Variants in OSR1 observed in about 807,000 individuals in gnomAD.
OSR1 encodes the protein protein odd-skipped-related 1.
Under a neutral mutation model 15.7 loss-of-function variants are expected in OSR1, and 3 were observed. That is an observed-to-expected ratio of 0.19 (90% CI 0.09 to 0.50). The LOEUF (loss-of-function observed/expected upper bound fraction) is 0.50. OSR1 is among the 20% of genes least tolerant of loss of function. The pLI is 0.97. For synonymous variants in OSR1, 166 were observed against 152.7 expected (o/e 1.09, Z -0.64); for missense variants, 271 against 351.1 (o/e 0.77, Z 1.82).
In OSR1 at chr2:19,351,719, G is replaced by C. The variant is rs1452175103; in HGVS notation, c.*556C>G. 1 of 152,664 alleles carries C rather than the reference G, an allele frequency of 6.6e-6. No individual in the cohort carries two copies. The highest frequency in any genetic ancestry group is 1.5e-5 in the Non-Finnish European group (1 of 68,130). 9.5% of individuals were successfully genotyped at this position (152,664 alleles called of 1,614,324 possible). A position where few individuals can be genotyped will look rare whatever the true frequency, so the allele number is the denominator to read the frequency against. The stretch of plus-strand genomic sequence containing the variant: ...CCCACGGCCGCCAGCTGAGCTGCAA[G>C]AGCTGGGAGGGGGCTGCCCCGCGGT... On this transcript the variant is annotated 3_prime_UTR_variant, in exon 3 of 3. Transcript: ENST00000272223.
Position 19,357,145 on chromosome 2 carries a change from G to A in OSR1, c.-33+1196C>T, listed in dbSNP as rs981304208. Among the ~76,000 whole-genome samples the A allele has an allele frequency of 2.6e-5, 4 of 152,164 alleles. No individual in the cohort carries two copies. The highest frequency in any genetic ancestry group is 9.7e-5 in the African/African-American group (4 of 41,426). On this transcript the variant is annotated intron_variant, in intron 1 of 2. Transcript: ENST00000272223. The surrounding 1 kb of genome is among the most constrained non-coding windows in gnomAD (Gnocchi z 5.0). ...ATCCGGCTGCACTTAAATGTCCGCT[G>A]CGTCCTCGGTGATCCATTCCCCAAT...
At position 19,353,470 on chromosome 2, in the gene OSR1, C is replaced by G. The variant is rs764998863; in HGVS notation, c.336G>C (p.Lys112Asn). ...TGGCAAAATCAAAGCGCGGCTTGGT[C>G]TTGAGCGCTGGAACGCTGCCTCCAG... Reference protein sequence around the residue: ...ITAGGSVPALKTKPRFDFANL... With the variant: ...ITAGGSVPALNTKPRFDFANL... Residue 112 changes from lysine to asparagine, a missense_variant, in exon 2 of 3, where the codon AAG (lysine) becomes AAC (asparagine). Around this residue, in one of 4 missense-constraint regions of OSR1, gnomAD observed 210 missense variants for 218.4 expected, o/e 0.96. Coordinates refer to ENST00000272223, the MANE Select transcript of OSR1 (RefSeq NM_145260.3). The G allele has an allele frequency of 6.2e-7, 1 of 1,614,140 alleles. No homozygotes were observed. Among genetic ancestry groups the G allele is most frequent in the Non-Finnish European group, 8.5e-7 (1 of 1,179,966 alleles).
chr2:19,353,884 T>C (rs1404063210), intron 1 of OSR1, 47 bp from the exon 2 acceptor site: 1 of 1,445,388 alleles, frequency 6.9e-7, no homozygotes, highest in African/African-American at 1.4e-5. Flanking sequence ...AATAAAGAAG[T>C]TCAGGGTGGG....
At chr2:19,355,515 G>T (rs1462487778) in intron 1 of OSR1, 1 of 152,308 alleles carries the variant, frequency 6.6e-6, no homozygotes, top group African/African-American at 2.4e-5. Context: ...GGGCAATGTT[G>T]ACCCAGGAAA....
rs1417749076 is a variant in OSR1, at chr2:19,353,777, A to G, written c.29T>C (p.Val10Ala). The G allele has an allele frequency of 1.4e-5, 23 of 1,612,182 alleles. No individual in the cohort carries two copies. Among genetic ancestry groups the G allele is most frequent in the Non-Finnish European group, 2.0e-5 (23 of 1,178,670 alleles). ...GAGCTGCAGGGAAGGGTGGATAGGC[A>G]CCGGCGCCGGCAAGGTTTTGCTGCC... is the stretch of plus-strand genomic sequence containing the variant. Reference protein sequence around the residue: MGSKTLPAPVPIHPSLQLTN... With the variant: MGSKTLPAPAPIHPSLQLTN... The change falls in exon 2 of 3, where the codon GTG becomes GCG. Residue 10 changes from valine to alanine, a missense_variant. Transcript: ENST00000272223.
At chr2:19,355,671 C>T (rs1343529231) in intron 1 of OSR1, 1 of 152,236 alleles carries the variant, frequency 6.6e-6, no homozygotes, top group Admixed American at 6.5e-5. Context: ...GGATAAAAAC[C>T]GTTGCAATGA....
chr2:19,348,683 A>T (rs1329483966), downstream of OSR1, among the ~76,000 whole-genome samples: 1 of 152,088 alleles, frequency 6.6e-6, no homozygotes, highest in Non-Finnish European at 1.5e-5. Context: ...ACGCGGGAAA[A>T]CATTTTTTAG....
At chr2:19,349,439 G>C (rs555286131), downstream of OSR1, among the ~76,000 whole-genome samples, 1 of 152,152 alleles carries the variant, frequency 6.6e-6, no homozygotes, top group Non-Finnish European at 1.5e-5. Flanking sequence ...GAGTTGCTGC[G>C]CATCATCCTG....
chr2:19,350,694 G>A (rs1371537891), downstream of OSR1, among the ~76,000 whole-genome samples: 4 of 152,104 alleles, frequency 2.6e-5, no homozygotes, highest in Admixed American at 6.5e-5. Flanking sequence ...GAAGAGCCCC[G>A]GCGGCCTGGC....
chr2:19,351,956 G>A lies in OSR1; in HGVS notation c.*319C>T, dbSNP rs1366841523. The A allele has an allele frequency of 3.9e-6, 1 of 255,698 alleles. No homozygotes were observed. 15.8% of individuals were successfully genotyped at this position (255,698 alleles called of 1,614,324 possible). ...AACGTATAAAATAACAATAGAAAAA[G>A]TAATACTTCTGGGAGAGGCGCCGCT... is the stretch of plus-strand genomic sequence containing the variant. On this transcript the variant is annotated 3_prime_UTR_variant, in exon 3 of 3. Coordinates refer to ENST00000272223, the MANE Select transcript of OSR1 (RefSeq NM_145260.3).
chr2:19,349,440 C>A (rs2103357141), downstream of OSR1, among the ~76,000 whole-genome samples: 1 of 152,328 alleles, frequency 6.6e-6, no homozygotes, highest in South Asian at 2.1e-4. Flanking sequence ...AGTTGCTGCG[C>A]ATCATCCTGT....
chr2:19,355,527 C>T (rs948521593), intron 1 of OSR1: 1 of 152,320 alleles, frequency 6.6e-6, no homozygotes, highest in Non-Finnish European at 1.5e-5. Flanking sequence ...CCCAGGAAAA[C>T]CTTTTCTCCT....
downstream of OSR1, chr2:19,346,614 GA>G (rs1397384759): frequency 2.6e-5 from 4 of 152,222 alleles, no homozygotes; most frequent in Non-Finnish European, 4.4e-5. Context: ...AAAAAAAGTA[GA>G]AAAAATTACC....
At position 19,351,642 on chromosome 2, in the gene OSR1, C is replaced by T. The variant is rs1399772542; in HGVS notation, c.*633G>A. The stretch of plus-strand genomic sequence containing the variant: ...AGTGTCGCGGCAGCGGAGGCCGGGC[C>T]CCCTGCAGACCCCAGGCCCGAGGTC... On this transcript the variant is annotated 3_prime_UTR_variant, in exon 3 of 3. Coordinates refer to ENST00000272223, the MANE Select transcript of OSR1 (RefSeq NM_145260.3). 2.6e-5 allele frequency: 4 copies of T among 152,672 alleles called. No homozygotes were observed. 9.5% of individuals were successfully genotyped at this position (152,672 alleles called of 1,614,324 possible). A position where few individuals can be genotyped will look rare whatever the true frequency, so the allele number is the denominator to read the frequency against.
chr2:19,358,092 C>A (rs557942599), intron 1 of OSR1: 2 of 152,292 alleles, frequency 1.3e-5, no homozygotes, highest in African/African-American at 2.4e-5. Flanking sequence ...GCGGGCTGGC[C>A]GCAGTAGCGG....
chr2:19,345,759 G>A, the OSR1 span, among the ~76,000 whole-genome samples: 1 of 152,108 alleles, frequency 6.6e-6, no homozygotes, highest in South Asian at 2.1e-4. Context: ...TCTGGTCCTT[G>A]GCCTACCGTA....
Position 19,352,104 on chromosome 2 carries a change from C to A in OSR1, c.*171G>T, listed in dbSNP as rs989165104. 1 of 657,736 alleles carries A rather than the reference C, an allele frequency of 1.5e-6. No homozygotes were observed. The highest frequency in any genetic ancestry group is 1.8e-5 in the African/African-American group (1 of 54,782). 40.7% of individuals were successfully genotyped at this position (657,736 alleles called of 1,614,324 possible). A position where few individuals can be genotyped will look rare whatever the true frequency, so the allele number is the denominator to read the frequency against. ...GCAGCAGGGACGGTCGGGGTCGCGG[C>A]CCCGGGCGGGGCTCTGAAGTGCCGC... On this transcript the variant is annotated 3_prime_UTR_variant, in exon 3 of 3. Transcript: ENST00000272223.
chr2:19,350,143 G>T (rs45487991), downstream of OSR1, among the ~76,000 whole-genome samples: 35 of 152,334 alleles, frequency 2.3e-4, no homozygotes, highest in East Asian at 6.4e-3. Flanking sequence ...ACTCAGCAGC[G>T]CCCTGCCCCT....
rs1238637200 is a variant in OSR1, at chr2:19,353,852, A to G, written c.-32-15T>C. ...TCAATCCGGATCTGCAAAGAAAAGA[A>G]GAAGGCAGGGGCGTGGAGAGGAATA... On this transcript the variant is annotated splice_polypyrimidine_tract_variant and intron_variant, in intron 1 of 2. Transcript: ENST00000272223. The G allele has an allele frequency of 1.3e-6, 2 of 1,562,338 alleles. No individual in the cohort carries two copies. The highest frequency in any genetic ancestry group is 1.2e-5 in the South Asian group (1 of 84,332).
Sources: allele counts gnomAD v4.1 joint callset (sites outside exome capture counted in the v4.1 genomes callset), GRCh38; gene constraint gnomAD v4.1.1; regional missense constraint gnomAD v4.1.1; non-coding constraint Gnocchi (gnomAD v3.1); transcripts MANE v1.5; gene names NCBI Gene and HGNC (gene_info 2026-07-23, HGNC 2026-07-21).